The following CSNK1A1 variants were observed in gnomAD, a reference collection of about 807,000 sequenced individuals.
CSNK1A1 encodes the protein casein kinase I isoform alpha.
Under a neutral mutation model 46.1 loss-of-function variants are expected in CSNK1A1, and 7 were observed. That is an observed-to-expected ratio of 0.15 (90% CI 0.09 to 0.29). CSNK1A1 has a LOEUF of 0.29. CSNK1A1 is among the 10% of genes least tolerant of loss of function. The probability of loss-of-function intolerance (pLI) is 1.00; values close to 1 mark genes in which losing one functional copy is unlikely to be tolerated. For synonymous variants in CSNK1A1, 137 were observed against 141.5 expected (o/e 0.97, Z 0.23); for missense variants, 96 against 417.1 (o/e 0.23, Z 6.71).
At chr5:149,529,481 G>A in intron 2 of CSNK1A1, 1 of 242,122 alleles carries the variant, frequency 4.1e-6, no homozygotes, top group Non-Finnish European at 8.5e-6. Context: ...ATGCTAACAT[G>A]ATTCACACAA....
At chr5:149,505,226 C>G in intron 9 of CSNK1A1, 1 of 1,253,274 alleles carries the variant, frequency 8.0e-7, no homozygotes, top group South Asian at 2.7e-5. Flanking sequence ...AATATACACA[C>G]ATATATGTAT....
At chr5:149,510,392 A>G (rs1761178128) in intron 6 of CSNK1A1, among the ~76,000 whole-genome samples, 1 of 151,840 alleles carries the variant, frequency 6.6e-6, no homozygotes, top group Admixed American at 6.6e-5. Flanking sequence ...GATTCAGCCT[A>G]TCAAGTAGCT....
At chr5:149,536,802 C>A (rs1762074379) in intron 2 of CSNK1A1, among the ~76,000 whole-genome samples, 1 of 152,118 alleles carries the variant, frequency 6.6e-6, no homozygotes, top group Non-Finnish European at 1.5e-5. Context: ...AGTAAATCTG[C>A]AGTTAGGTTT....
chr5:149,538,665 G>A (rs1446950854), intron 2 of CSNK1A1, among the ~76,000 whole-genome samples: 3 of 152,200 alleles, frequency 2.0e-5, no homozygotes, highest in African/African-American at 7.2e-5. Context: ...GCTCACATCT[G>A]TAATCCCAGC....
chr5:149,514,448 A>G (rs1190285270), intron 4 of CSNK1A1, among the ~76,000 whole-genome samples: 1 of 152,226 alleles, frequency 6.6e-6, no homozygotes, highest in Non-Finnish European at 1.5e-5. Context: ...CTATTATGCT[A>G]TATTTTAATA....
intron 7 of CSNK1A1, among the ~76,000 whole-genome samples, chr5:149,508,088 A>C (rs1005674501): frequency 3.3e-5 from 5 of 152,204 alleles, no homozygotes; most frequent in Non-Finnish European, 7.3e-5. Context: ...GGAGAGTGGT[A>C]AAGTTAAAGG....
At chr5:149,497,521 AAGTAGACCCTAGGGCCTCTACAT>A in intron 9 of CSNK1A1, 10 of 985,586 alleles carry the variant, frequency 1.0e-5, no homozygotes, top group Non-Finnish European at 1.2e-5. Context: ...CCTCCACCAC[AAGTAGACCCTAGGGCCTCTACAT>A]AGGCCCTAGG....
At chr5:149,501,786 A>G (rs771097014) in intron 9 of CSNK1A1, 45 of 982,278 alleles carry the variant, frequency 4.6e-5, no homozygotes, top group Non-Finnish European at 5.4e-5. Flanking sequence ...TGAATGTCCT[A>G]AAAATATTTC....
In CSNK1A1 at chr5:149,542,615, TA is replaced by T. The variant is rs1561772182; in HGVS notation, c.230+7459del. On this transcript the variant is annotated intron_variant, in intron 2 of 9. Transcript: ENST00000377843. Reference sequence around the variant, plus strand: ...ATTTATATATATATATATATATATATATATATATATATATATATATATATGT... The same window carrying T: ...ATTTATATATATATATATATATATATTATATATATATATATATATATATGT... Among the ~76,000 whole-genome samples, 72 of 11,842 alleles carry T rather than the reference TA, an allele frequency of 6.1e-3. 8 individuals carry two copies. The highest frequency in any genetic ancestry group is 0.04 in the African/African-American group (72 of 1,788). The allele number at this position is 11,842 out of a possible 152,430, so 7.8% of individuals were successfully genotyped here.
rs1762647584 is a variant in CSNK1A1, at chr5:149,551,188, T to C, written c.-224A>G. On this transcript the variant is annotated 5_prime_UTR_variant, in exon 1 of 10. Coordinates refer to ENST00000377843, the MANE Select transcript of CSNK1A1 (RefSeq NM_001892.6). ...CAGGCCGCAGTTTGTGAAGGGCTTC[T>C]CGGCGGTTACCAGGCTGGGCCACTT... 3 of 410,130 alleles carry C rather than the reference T, an allele frequency of 7.3e-6. No homozygotes were observed. The highest frequency in any genetic ancestry group is 4.2e-5 in the African/African-American group (2 of 48,182). 25.4% of individuals were successfully genotyped at this position (410,130 alleles called of 1,614,324 possible). A position where few individuals can be genotyped will look rare whatever the true frequency, so the allele number is the denominator to read the frequency against.
rs1241268264 is a variant in CSNK1A1 at position 149,549,382 on chromosome 5, T to A, written c.230+693A>T. Reference sequence around the variant, plus strand: ...TACGAAGGATTTTACATAGTGTAATTCAACAATTTCGTGTCACATCTGCTG... The same window carrying A: ...TACGAAGGATTTTACATAGTGTAATACAACAATTTCGTGTCACATCTGCTG... On this transcript the variant is annotated intron_variant, in intron 2 of 9. Transcript: ENST00000377843. 4.4e-6 allele frequency: 3 copies of A among 678,934 alleles called. No individual in the cohort carries two copies. In the African/African-American group the frequency reaches 5.3e-5, roughly 12 times the overall value. 42.1% of individuals were successfully genotyped at this position (678,934 alleles called of 1,614,324 possible).
At chr5:149,541,223 G>C (rs1048911782) in intron 2 of CSNK1A1, among the ~76,000 whole-genome samples, 1 of 149,248 alleles carries the variant, frequency 6.7e-6, no homozygotes, top group African/African-American at 2.5e-5. Flanking sequence ...CGTGATCTCA[G>C]CTCACTGCAA....
intron 2 of CSNK1A1, among the ~76,000 whole-genome samples, chr5:149,538,283 A>G (rs1334370500): frequency 1.3e-5 from 2 of 151,972 alleles, no homozygotes; most frequent in African/African-American, 2.4e-5. Flanking sequence ...CGGCCACCCA[A>G]TGTGCTGGGA....
At chr5:149,531,214 T>G (rs1429605986) in intron 2 of CSNK1A1, among the ~76,000 whole-genome samples, 4 of 152,068 alleles carry the variant, frequency 2.6e-5, no homozygotes, top group Non-Finnish European at 5.9e-5. Flanking sequence ...ATAGCGAAAT[T>G]GAACTAGCAT....
chr5:149,500,131 G>A (rs1257374417), intron 9 of CSNK1A1, among the ~76,000 whole-genome samples: 2 of 139,342 alleles, frequency 1.4e-5, no homozygotes, highest in Non-Finnish European at 3.1e-5. Context: ...ACTACGCCCA[G>A]CTAATTTTTT....
At chr5:149,516,448 T>C (rs531638489) in intron 4 of CSNK1A1, among the ~76,000 whole-genome samples, 1 of 151,724 alleles carries the variant, frequency 6.6e-6, no homozygotes, top group Non-Finnish European at 1.5e-5. Context: ...CTGTGGCTAA[T>C]CTTAGTGTTT....
chr5:149,541,970 CAAAAAAAAA>C (rs1171466150), intron 2 of CSNK1A1, among the ~76,000 whole-genome samples: 3 of 40,054 alleles, frequency 7.5e-5, no homozygotes, highest in East Asian at 9.8e-4. Context: ...GACTGCATCT[CAAAAAAAAA>C]AAAAAAAAAA....
intron 3 of CSNK1A1, 133 bp downstream of exon 3, chr5:149,524,912 A>G: frequency 1.3e-6 from 1 of 754,392 alleles, no homozygotes; most frequent in Non-Finnish European, 2.0e-6. Flanking sequence ...TACAAGTCAC[A>G]TTATTATTTT....
intron 2 of CSNK1A1, among the ~76,000 whole-genome samples, chr5:149,543,817 G>A (rs1373323371): frequency 6.6e-6 from 1 of 152,066 alleles, no homozygotes; most frequent in Non-Finnish European, 1.5e-5. Flanking sequence ...TTGAGTCCAG[G>A]AGTTTGAGGC....
Sources: allele counts gnomAD v4.1 joint callset (sites outside exome capture counted in the v4.1 genomes callset), GRCh38; gene constraint gnomAD v4.1.1; transcripts MANE v1.5; gene names NCBI Gene and HGNC (gene_info 2026-07-23, HGNC 2026-07-21).